The following CBFB variants were observed in gnomAD, a reference collection of about 807,000 sequenced individuals.
CBFB encodes core-binding factor subunit beta.
A neutral mutation model predicts 30.4 loss-of-function variants in CBFB; 9 were observed. That is an observed-to-expected ratio of 0.30 (90% confidence interval 0.18 to 0.52). CBFB has a LOEUF of 0.52. Among genes scored for constraint, CBFB ranks in the 20% least tolerant of loss-of-function variants. The pLI is 0.97. For synonymous variants in CBFB, 94 were observed against 84.0 expected (o/e 1.12, Z -0.65); for missense variants, 170 against 244.0 (o/e 0.70, Z 2.02).
At chr16:67,085,447 G>A (rs1961697155) in intron 5 of CBFB, among the ~76,000 whole-genome samples, 2 of 145,464 alleles carry the variant, frequency 1.4e-5, no homozygotes, top group Non-Finnish European at 3.0e-5. Context: ...TGGGATTACA[G>A]GAGTGAGCCA....
At chr16:67,045,592 A>G (rs1966611594) in intron 3 of CBFB, among the ~76,000 whole-genome samples, 1 of 152,186 alleles carries the variant, frequency 6.6e-6, no homozygotes, top group African/African-American at 2.4e-5. Context: ...ATCTGCATAC[A>G]TGGTAAATGC....
At chr16:67,067,889 A>G (rs1054785929) in intron 4 of CBFB, among the ~76,000 whole-genome samples, 1 of 152,242 alleles carries the variant, frequency 6.6e-6, no homozygotes, top group African/African-American at 2.4e-5. Context: ...TGATAGGTAA[A>G]GTAGACCCTA....
chr16:67,041,348 A>G (rs777736077), intron 3 of CBFB, among the ~76,000 whole-genome samples: 1 of 152,208 alleles, frequency 6.6e-6, no homozygotes, highest in African/African-American at 2.4e-5. Flanking sequence ...AGGCTATTGC[A>G]GTAATCTTGG....
intron 5 of CBFB, among the ~76,000 whole-genome samples, chr16:67,095,372 C>A (rs1435610982): frequency 6.6e-6 from 1 of 152,080 alleles, no homozygotes; most frequent in East Asian, 1.9e-4. Context: ...AAAAAATTAG[C>A]CAGGTGTGGT....
At chr16:67,072,750 G>A (rs1263018234) in intron 4 of CBFB, among the ~76,000 whole-genome samples, 3 of 151,524 alleles carry the variant, frequency 2.0e-5, no homozygotes, top group African/African-American at 7.3e-5. Flanking sequence ...ACAGGCGTGA[G>A]CCACCATGCC....
intron 3 of CBFB, among the ~76,000 whole-genome samples, chr16:67,056,063 GA>G (rs1960714843): frequency 6.6e-6 from 1 of 152,160 alleles, no homozygotes; most frequent in African/African-American, 2.4e-5. Flanking sequence ...CATTGTCAGG[GA>G]AAAAACAGCA....
At position 67,079,063 on chromosome 16, in the gene CBFB, T is replaced by G. The variant is rs201995949; in HGVS notation, c.400-3150T>G. Among the ~76,000 whole-genome samples, 31 of 152,330 alleles carry G rather than the reference T, an allele frequency of 2.0e-4. No homozygotes were observed. The East Asian group carries it at 4.8e-3, about 24-fold the overall frequency. ...GCATTCTTTTGCGGCTACCTCTGGCTTATATTATGTCCTGAGAATATAGTA... is the reference window on the plus strand; with the variant it reads ...GCATTCTTTTGCGGCTACCTCTGGCGTATATTATGTCCTGAGAATATAGTA... On this transcript the variant is annotated intron_variant, in intron 4 of 5. Transcript: ENST00000412916.
At chr16:67,049,869 A>G (rs1966707834) in intron 3 of CBFB, among the ~76,000 whole-genome samples, 1 of 152,140 alleles carries the variant, frequency 6.6e-6, no homozygotes, top group Non-Finnish European at 1.5e-5. Flanking sequence ...TGCACTGTAT[A>G]GAAGAACTGT....
chr16:67,049,367 C>G (rs1966697359), intron 3 of CBFB, among the ~76,000 whole-genome samples: 1 of 151,866 alleles, frequency 6.6e-6, no homozygotes, highest in Admixed American at 6.6e-5. Context: ...CCACACCCGG[C>G]TGATTTTTGT....
intron 3 of CBFB, among the ~76,000 whole-genome samples, chr16:67,056,776 G>A (rs1960738753): frequency 6.6e-6 from 1 of 152,020 alleles, no homozygotes; most frequent in Admixed American, 6.6e-5. Context: ...CGGCTTCCCG[G>A]GTTCAAGCAG....
intron 5 of CBFB, among the ~76,000 whole-genome samples, chr16:67,095,436 G>A (rs1295051658): frequency 6.6e-6 from 1 of 152,124 alleles, no homozygotes; most frequent in Non-Finnish European, 1.5e-5. Flanking sequence ...GGAATTGCTT[G>A]AACCCAGGAG....
At chr16:67,049,462 A>G (rs1966699905) in intron 3 of CBFB, among the ~76,000 whole-genome samples, 1 of 151,728 alleles carries the variant, frequency 6.6e-6, no homozygotes, top group African/African-American at 2.4e-5. Flanking sequence ...TTGGCCTCCC[A>G]AAGTGCTGGT....
intron 3 of CBFB, among the ~76,000 whole-genome samples, chr16:67,056,238 T>C (rs1302376311): frequency 6.6e-6 from 1 of 152,238 alleles, no homozygotes; most frequent in African/African-American, 2.4e-5. Context: ...AAGGCCGTAA[T>C]GTGCCTTATG....
chr16:67,075,687 T>C (rs1263190136), intron 4 of CBFB, among the ~76,000 whole-genome samples: 1 of 152,172 alleles, frequency 6.6e-6, no homozygotes, highest in Non-Finnish European at 1.5e-5. Flanking sequence ...TTATTAGTAA[T>C]AGCTAGAAAT....
chr16:67,066,806 A>G lies in CBFB; in HGVS notation c.399+8A>G, dbSNP rs770788660. On this transcript the variant is annotated splice_region_variant and intron_variant, in intron 4 of 5. Transcript: ENST00000412916. ...GATGAGGAGCGAGCCCAGGTAGGGTAACATCAGGCTTTATTGAGCATGGTC... is the reference window on the plus strand; with the variant it reads ...GATGAGGAGCGAGCCCAGGTAGGGTGACATCAGGCTTTATTGAGCATGGTC... The G allele has an allele frequency of 2.7e-6, 4 of 1,503,618 alleles. No homozygotes were observed. Among genetic ancestry groups the G allele is most frequent in the East Asian group, 4.5e-5 (2 of 44,200 alleles). 93.1% of individuals were successfully genotyped at this position (1,503,618 alleles called of 1,614,324 possible). A position where few individuals can be genotyped will look rare whatever the true frequency, so the allele number is the denominator to read the frequency against.
chr16:67,077,320 TTGA>T (rs534004491), intron 4 of CBFB, among the ~76,000 whole-genome samples: 88 of 152,368 alleles, frequency 5.8e-4, no homozygotes, highest in African/African-American at 2.0e-3. Flanking sequence ...TTTGAAGTAC[TTGA>T]TGACACTGCT....
chr16:67,061,075 T>A (rs971568681), intron 3 of CBFB, among the ~76,000 whole-genome samples: 1 of 152,204 alleles, frequency 6.6e-6, no homozygotes, highest in African/African-American at 2.4e-5. Context: ...AGCCACAGAA[T>A]GTGAAAATTA....
chr16:67,070,139 TC>T (rs1283533586), intron 4 of CBFB, among the ~76,000 whole-genome samples: 1 of 152,224 alleles, frequency 6.6e-6, no homozygotes, highest in African/African-American at 2.4e-5. Flanking sequence ...CCCATATAGT[TC>T]TTTATATATG....
chr16:67,029,372 G>C lies in CBFB; in HGVS notation c.-36G>C, dbSNP rs918332105. Reference sequence around the variant, plus strand: ...GCCAGCGGGTGCCCGCGCAAGCCCCGAGCGCGGCCGGCCGGCGCGGCCTCA... The same window carrying C: ...GCCAGCGGGTGCCCGCGCAAGCCCCCAGCGCGGCCGGCCGGCGCGGCCTCA... On this transcript the variant is annotated 5_prime_UTR_variant, in exon 1 of 6. Transcript: ENST00000412916. The C allele has an allele frequency of 1.9e-5, 28 of 1,462,894 alleles. No individual in the cohort carries two copies. In the African/African-American group the frequency reaches 3.8e-4, roughly 20 times the overall value. The allele number at this position is 1,462,894 out of a possible 1,614,324, so 90.6% of individuals were successfully genotyped here. A position where few individuals can be genotyped will look rare whatever the true frequency, so the allele number is the denominator to read the frequency against.
Sources: allele counts gnomAD v4.1 joint callset (sites outside exome capture counted in the v4.1 genomes callset), GRCh38; gene constraint gnomAD v4.1.1; transcripts MANE v1.5; gene names NCBI Gene and HGNC (gene_info 2026-07-23, HGNC 2026-07-21).